Variants in PLCB4 observed in about 807,000 individuals in gnomAD.
PLCB4 encodes the protein 1-phosphatidylinositol 4,5-bisphosphate phosphodiesterase beta-4.
Under a neutral mutation model 178.8 loss-of-function variants are expected in PLCB4, and 77 were observed. The observed-to-expected ratio is 0.43, with a 90% CI of 0.36 to 0.52. The LOEUF (loss-of-function observed/expected upper bound fraction) is 0.52. PLCB4 is among the 20% of genes least tolerant of loss of function. The probability of loss-of-function intolerance (pLI) is 0.00; values close to 1 mark genes in which losing one functional copy is unlikely to be tolerated. For missense variants in PLCB4, 1,024 were observed against 1,453.4 expected (o/e 0.70, Z 4.80); for synonymous variants, 496 against 490.8 (o/e 1.01, Z -0.14).
chr20:9,124,133 A>G (rs1363074880), intron 2 of PLCB4, among the ~76,000 whole-genome samples: 3 of 152,190 alleles, frequency 2.0e-5, no homozygotes, highest in African/African-American at 4.8e-5. Context: ...TTGCAAAAGC[A>G]GGTGACTGGC....
At chr20:9,233,879 G>A (rs577562605) in intron 3 of PLCB4, among the ~76,000 whole-genome samples, 11 of 152,128 alleles carry the variant, frequency 7.2e-5, no homozygotes, top group South Asian at 6.2e-4. Flanking sequence ...GGAATTTATC[G>A]ATAGGCATGC....
intron 1 of PLCB4, among the ~76,000 whole-genome samples, chr20:9,093,794 CAA>C (rs1319477231): frequency 6.6e-6 from 1 of 151,970 alleles, no homozygotes; most frequent in African/African-American, 2.4e-5. Context: ...GTCAGTAAAT[CAA>C]ATTCCTGGGC....
At position 9,100,166 on chromosome 20, in the gene PLCB4, G is replaced by T. The variant is rs1252910967; in HGVS notation, c.-79+3824G>T. Among the ~76,000 whole-genome samples the T allele has an allele frequency of 2.6e-5, 4 of 152,244 alleles. No homozygotes were observed. The East Asian group carries it at 7.7e-4, about 29-fold the overall frequency. ...GGAATTCTGCCCATCACTGGTGCGGGCAGGAGGACCATGGTGGCAGGTCCA... is the reference window on the plus strand; with the variant it reads ...GGAATTCTGCCCATCACTGGTGCGGTCAGGAGGACCATGGTGGCAGGTCCA... On this transcript the variant is annotated intron_variant, in intron 2 of 39. Coordinates refer to ENST00000378473, the MANE Select transcript of PLCB4 (RefSeq NM_001377142.1).
At chr20:9,315,480 G>T (rs2094888866) in intron 4 of PLCB4, among the ~76,000 whole-genome samples, 1 of 152,172 alleles carries the variant, frequency 6.6e-6, no homozygotes, top group Admixed American at 6.6e-5. Flanking sequence ...ATGGCTTCCA[G>T]CAGTGTTCAA....
intron 3 of PLCB4, among the ~76,000 whole-genome samples, chr20:9,294,644 T>TC: frequency 6.6e-6 from 1 of 152,214 alleles, no homozygotes; most frequent in East Asian, 1.9e-4. Context: ...ATTTTCCTCT[T>TC]CCCCCTTTTT....
At chr20:9,196,726 T>C (rs549082560) in intron 2 of PLCB4, among the ~76,000 whole-genome samples, 1 of 152,310 alleles carries the variant, frequency 6.6e-6, no homozygotes, top group Non-Finnish European at 1.5e-5. Context: ...TCTGCTTTCA[T>C]GAGGGTAATA....
At chr20:9,326,490 G>T (rs2030591723) in intron 4 of PLCB4, among the ~76,000 whole-genome samples, 1 of 151,956 alleles carries the variant, frequency 6.6e-6, no homozygotes, top group African/African-American at 2.4e-5. Flanking sequence ...TGTTCCTATT[G>T]GTTTTGAAAT....
intron 3 of PLCB4, among the ~76,000 whole-genome samples, chr20:9,240,466 C>A (rs1486370756): frequency 6.6e-6 from 1 of 152,126 alleles, no homozygotes; most frequent in African/African-American, 2.4e-5. Context: ...CCCTTTCATT[C>A]TCTCTGTAAC....
At chr20:9,449,746 T>C (rs1247923145) in intron 32 of PLCB4, among the ~76,000 whole-genome samples, 1 of 152,198 alleles carries the variant, frequency 6.6e-6, no homozygotes, top group Non-Finnish European at 1.5e-5. Context: ...GTAAAGCTAC[T>C]GATGGAAAAT....
intron 2 of PLCB4, among the ~76,000 whole-genome samples, chr20:9,189,451 T>C (rs542785529): frequency 9.3e-4 from 124 of 133,504 alleles, no homozygotes; most frequent in African/African-American, 3.5e-3. Context: ...ACATTCTGGG[T>C]TGGTTAATTG....
intron 3 of PLCB4, among the ~76,000 whole-genome samples, chr20:9,223,950 T>C (rs1367578288): frequency 6.6e-6 from 1 of 152,142 alleles, no homozygotes; most frequent in Non-Finnish European, 1.5e-5. Flanking sequence ...ATGTGAGAGA[T>C]TGCATTGTGT....
intron 3 of PLCB4, among the ~76,000 whole-genome samples, chr20:9,238,875 G>C (rs1038577544): frequency 1.3e-5 from 2 of 152,160 alleles, no homozygotes; most frequent in African/African-American, 4.8e-5. Context: ...CATGTAATGA[G>C]ATAGATCAAT....
intron 2 of PLCB4, among the ~76,000 whole-genome samples, chr20:9,106,393 A>G (rs978718273): frequency 2.0e-5 from 3 of 152,050 alleles, no homozygotes; most frequent in Non-Finnish European, 2.9e-5. Flanking sequence ...GTGGGCAAAC[A>G]GTGTAGTTTT....
chr20:9,211,352 C>T (rs573930094), intron 2 of PLCB4, among the ~76,000 whole-genome samples: 84 of 152,340 alleles, frequency 5.5e-4, no homozygotes, highest in African/African-American at 1.9e-3. Context: ...CTTTGCCCTT[C>T]ATCTCTGTGC....
intron 2 of PLCB4, among the ~76,000 whole-genome samples, chr20:9,136,034 A>T (rs1391328824): frequency 6.6e-6 from 1 of 152,176 alleles, no homozygotes; most frequent in African/African-American, 2.4e-5. Flanking sequence ...TGGGGACTAG[A>T]AGTCAAAACT....
At chr20:9,256,697 T>C (rs1464172887) in intron 3 of PLCB4, among the ~76,000 whole-genome samples, 1 of 152,230 alleles carries the variant, frequency 6.6e-6, no homozygotes, top group Non-Finnish European at 1.5e-5. Context: ...CATATCTTTT[T>C]AAGTATCCCC....
chr20:9,186,734 G>A (rs1345300093), intron 2 of PLCB4, among the ~76,000 whole-genome samples: 1 of 152,076 alleles, frequency 6.6e-6, no homozygotes, highest in Non-Finnish European at 1.5e-5. Flanking sequence ...CTCTGCAGGT[G>A]CCTTCTACTT....
chr20:9,379,583 G>A (rs550142631), intron 12 of PLCB4, among the ~76,000 whole-genome samples: 103 of 152,276 alleles, frequency 6.8e-4, no homozygotes, highest in Middle Eastern at 3.4e-3. Flanking sequence ...ATGTTTGCCT[G>A]TGTAACATTA....
chr20:9,463,237 G>A (rs139344936), intron 35 of PLCB4, among the ~76,000 whole-genome samples: 3,906 of 152,196 alleles, frequency 0.026, 68 homozygotes, highest in Non-Finnish European at 0.037. Flanking sequence ...GTCACCGCCA[G>A]GCCTGCCTTA....
Sources: allele counts gnomAD v4.1 joint callset (sites outside exome capture counted in the v4.1 genomes callset), GRCh38; gene constraint gnomAD v4.1.1; transcripts MANE v1.5; gene names NCBI Gene and HGNC (gene_info 2026-07-23, HGNC 2026-07-21).